The following USP24 variants were observed in gnomAD, a reference collection of about 807,000 sequenced individuals.
The protein encoded by USP24 is ubiquitin carboxyl-terminal hydrolase 24.
A neutral mutation model predicts 361.6 loss-of-function variants in USP24; 97 were observed. The ratio of observed to expected loss-of-function variants is 0.27; its 90% CI spans 0.23 to 0.32. The LOEUF is 0.32. USP24 is among the 10% of genes least tolerant of loss of function. USP24 has a pLI of 1.00. For synonymous variants in USP24, 1,098 were observed against 1,124.6 expected (o/e 0.98, Z 0.47); for missense variants, 2,353 against 3,165.6 (o/e 0.74, Z 6.16).
intron 32 of USP24, among the ~76,000 whole-genome samples, chr1:55,129,148 T>A (rs915712529): frequency 6.6e-6 from 1 of 152,184 alleles, no homozygotes; most frequent in Admixed American, 6.5e-5. Context: ...TTGCACAATA[T>A]GGATTTACAG....
intron 55 of USP24, among the ~76,000 whole-genome samples, chr1:55,088,482 C>G (rs1470656800): frequency 3.3e-5 from 5 of 152,088 alleles, no homozygotes; most frequent in Non-Finnish European, 5.9e-5. Context: ...AGAAGGTGTG[C>G]ACATGTAGAG....
intron 1 of USP24, among the ~76,000 whole-genome samples, chr1:55,206,428 G>T (rs1006971988): frequency 6.6e-6 from 1 of 152,152 alleles, no homozygotes; most frequent in South Asian, 2.1e-4. Context: ...ATATCAGGGA[G>T]TAGGAATAAG....
chr1:55,075,816 G>T (rs920742763), intron 62 of USP24, among the ~76,000 whole-genome samples: 2 of 151,908 alleles, frequency 1.3e-5, no homozygotes, highest in Non-Finnish European at 2.9e-5. Flanking sequence ...AATAAAAAAA[G>T]AAATTAGTTG....
At chr1:55,085,482 C>G (rs1280553783) in intron 56 of USP24, among the ~76,000 whole-genome samples, 1 of 152,172 alleles carries the variant, frequency 6.6e-6, no homozygotes, top group Non-Finnish European at 1.5e-5. Context: ...AACTGCTGTA[C>G]CTGTAAGGAC....
intron 65 of USP24, 48 bp downstream of exon 65, chr1:55,072,731 GATGTGCT>G: frequency 6.7e-7 from 1 of 1,491,528 alleles, no homozygotes; most frequent in Non-Finnish European, 9.1e-7. Context: ...TTCCTGACAA[GATGTGCT>G]ATTATTGATT....
At chr1:55,167,689 C>A (rs1052254973) in intron 5 of USP24, among the ~76,000 whole-genome samples, 1 of 152,048 alleles carries the variant, frequency 6.6e-6, no homozygotes, top group Non-Finnish European at 1.5e-5. Context: ...CAGCAGAAGG[C>A]GCCGAGAGAG....
At chr1:55,191,494 CT>C (rs34179339) in intron 1 of USP24, among the ~76,000 whole-genome samples, 38 of 141,914 alleles carry the variant, frequency 2.7e-4, no homozygotes, top group African/African-American at 2.9e-4. Context: ...ATGGCACTTT[CT>C]TTTTTTTTTT....
chr1:55,070,305 G>A (rs1213784767), intron 67 of USP24, among the ~76,000 whole-genome samples: 1 of 152,162 alleles, frequency 6.6e-6, no homozygotes, highest in African/African-American at 2.4e-5. Flanking sequence ...GAGAGAATAT[G>A]GAGTGAGGGC....
At chr1:55,117,742 CAAAAAAAAA>C (rs58149121) in intron 38 of USP24, among the ~76,000 whole-genome samples, 3 of 66,846 alleles carry the variant, frequency 4.5e-5, no homozygotes, top group Non-Finnish European at 7.3e-5. Flanking sequence ...GACTCCGTCT[CAAAAAAAAA>C]AAAAAAAAAA....
In USP24 at chr1:55,191,240, A is replaced by G. The variant is rs147813873; in HGVS notation, c.325-13108T>C. Among the ~76,000 whole-genome samples the G allele has an allele frequency of 3.2e-3, 489 of 152,310 alleles. 1 individual carries two copies. Among genetic ancestry groups the G allele is most frequent in the African/African-American group, 0.012 (479 of 41,572 alleles). ...ATTTCTAATTGGTCAGTTTACGATT[A>G]AAGTAAGAACAAGTAACATTGTTGG... On this transcript the variant is annotated intron_variant, in intron 1 of 67. Coordinates refer to ENST00000294383, the MANE Select transcript of USP24 (RefSeq NM_015306.3).
At chr1:55,193,627 G>A (rs949919297) in intron 1 of USP24, among the ~76,000 whole-genome samples, 29 of 152,278 alleles carry the variant, frequency 1.9e-4, no homozygotes, top group Middle Eastern at 3.4e-3. Context: ...AAAGGGGATT[G>A]AGATAAATTC....
intron 3 of USP24, among the ~76,000 whole-genome samples, chr1:55,175,149 G>A (rs1312192737): frequency 6.6e-6 from 1 of 150,776 alleles, no homozygotes; most frequent in Non-Finnish European, 1.5e-5. Context: ...TTGAATCAAG[G>A]GAGATTCTGC....
intron 22 of USP24, 73 bp from the exon 23 acceptor site, chr1:55,142,868 A>G (rs879084280): frequency 1.4e-6 from 2 of 1,432,816 alleles, no homozygotes; most frequent in South Asian, 2.7e-5. Context: ...CAAAATATCA[A>G]AATAAAGAAG....
rs765558698 is a variant in USP24, at chr1:55,172,406, G to A, written c.673C>T (p.Pro225Ser). Residue 225 changes from proline to serine, a missense_variant, in exon 4 of 68, where the codon CCC (proline) becomes TCC (serine). Around this residue, in one of 8 missense-constraint regions of USP24, gnomAD observed 386 missense variants for 560.5 expected, o/e 0.69. Transcript: ENST00000294383. ...VAERIKQDPI[P>S]TGLLGVLTMA... is the part of the protein sequence containing the mutation. ...GTAAGCACACCCAGGAGACCAGTGG[G>A]AATTGGATCTTGTTTTATTCTCTCT... 1.2e-6 allele frequency: 2 copies of A among 1,612,852 alleles called. No homozygotes were observed. The highest frequency in any genetic ancestry group is 1.7e-6 in the Non-Finnish European group (2 of 1,179,418).
intron 38 of USP24, among the ~76,000 whole-genome samples, chr1:55,113,863 AC>A (rs1255001631): frequency 6.6e-6 from 1 of 152,114 alleles, no homozygotes; most frequent in African/African-American, 2.4e-5. Flanking sequence ...GACAAGGATG[AC>A]CTCTCTCATC....
chr1:55,144,750 C>T (rs1286774339), intron 20 of USP24, among the ~76,000 whole-genome samples: 2 of 152,122 alleles, frequency 1.3e-5, no homozygotes, highest in Non-Finnish European at 2.9e-5. Flanking sequence ...GCCTGGCCAA[C>T]ATGGTGAAAC....
At chr1:55,120,114 G>A (rs1444857508) in intron 38 of USP24, among the ~76,000 whole-genome samples, 2 of 152,140 alleles carry the variant, frequency 1.3e-5, no homozygotes, top group African/African-American at 4.8e-5. Flanking sequence ...CACTTGTTGA[G>A]GTAAGATGGG....
chr1:55,184,062 T>C (rs1287450963), intron 1 of USP24, among the ~76,000 whole-genome samples: 2 of 152,144 alleles, frequency 1.3e-5, no homozygotes, highest in African/African-American at 2.4e-5. Flanking sequence ...CCCACTGTTT[T>C]GGGGGTTTTT....
intron 44 of USP24, among the ~76,000 whole-genome samples, chr1:55,100,297 G>A (rs1258539839): frequency 1.3e-5 from 2 of 152,186 alleles, no homozygotes; most frequent in Non-Finnish European, 2.9e-5. Flanking sequence ...GGGAGTTCAA[G>A]ACTAGCCTGA....
Sources: gnomAD v4.1 joint callset for allele counts (sites outside exome capture counted in the v4.1 genomes callset) on GRCh38, gnomAD v4.1.1 for gene constraint, gnomAD v4.1.1 regional missense constraint, MANE v1.5 for transcripts, NCBI Gene and HGNC (gene_info 2026-07-23, HGNC 2026-07-21) for gene names.